GLYATL2: variants seen among roughly 807,000 people sequenced by gnomAD.
GLYATL2 encodes the protein glycine N-acyltransferase-like protein 2.
Under a neutral mutation model 21.4 loss-of-function variants are expected in GLYATL2, and 25 were observed. The observed-to-expected ratio is 1.17, with a 90% CI of 0.85 to 1.63. GLYATL2 has a LOEUF of 1.63. Ranked by LOEUF, GLYATL2 falls within the 40% of genes most tolerant of loss-of-function variation. GLYATL2 has a pLI of 0.00. For synonymous variants in GLYATL2, 114 were observed against 118.2 expected (o/e 0.96, Z 0.23); for missense variants, 361 against 343.3 (o/e 1.05, Z -0.41).
chr11:58,884,019 C>A (rs1039389850), intron 1 of GLYATL2, among the ~76,000 whole-genome samples: 22 of 152,302 alleles, frequency 1.4e-4, no homozygotes, highest in African/African-American at 5.3e-4. Flanking sequence ...ATTCAACAGT[C>A]CTTCACGCTA....
intron 1 of GLYATL2, among the ~76,000 whole-genome samples, chr11:58,898,837 A>C (rs1422074675): frequency 6.6e-6 from 1 of 152,156 alleles, no homozygotes; most frequent in African/African-American, 2.4e-5. Flanking sequence ...CATCTTAAAA[A>C]AAATAAAATA....
rs536298985 is a variant in GLYATL2 at position 58,867,076 on chromosome 11, C to T, written n.61-28708G>A. 2.7e-5 allele frequency among the ~76,000 whole-genome samples: 4 copies of T among 149,102 alleles called. No individual in the cohort carries two copies. The South Asian group carries it at 8.6e-4, about 32-fold the overall frequency. Reference sequence around the variant, plus strand: ...TGGGGCTCCACCAGCCTCCCACAGACACTCAGCCATGCGGTTCCCATTCCC... The same window carrying T: ...TGGGGCTCCACCAGCCTCCCACAGATACTCAGCCATGCGGTTCCCATTCCC... On this transcript the variant is annotated intron_variant and non_coding_transcript_variant, in intron 1 of 4. Transcript: ENST00000533636.
intron 1 of GLYATL2, among the ~76,000 whole-genome samples, chr11:58,855,571 T>C (rs1325924174): frequency 6.6e-6 from 1 of 152,230 alleles, no homozygotes; most frequent in Non-Finnish European, 1.5e-5. Context: ...GAGCATTGGC[T>C]TCAACTTAAA....
intron 1 of GLYATL2, chr11:58,893,175 C>T (rs1317963717): frequency 2.7e-6 from 1 of 365,062 alleles, no homozygotes; most frequent in Non-Finnish European, 5.2e-6. Flanking sequence ...TGCCAGCAGC[C>T]TGTATCCTGG....
At position 58,856,196 on chromosome 11, in the gene GLYATL2, T is replaced by G. The variant is rs1590725986; in HGVS notation, n.61-17828A>C. On this transcript the variant is annotated intron_variant and non_coding_transcript_variant, in intron 1 of 4. Coordinates refer to the GLYATL2 transcript ENST00000533636. ...TTAAACCTCATGAACCAACCTCTGATAGCTTCCAACTTTTTTTCTGCAGCT... is the reference window on the plus strand; with the variant it reads ...TTAAACCTCATGAACCAACCTCTGAGAGCTTCCAACTTTTTTTCTGCAGCT... Among the ~76,000 whole-genome samples, 7 of 152,252 alleles carry G rather than the reference T, an allele frequency of 4.6e-5. 1 individual carries two copies. The highest frequency in any genetic ancestry group is 4.6e-4 in the Admixed American group (7 of 15,280).
chr11:58,901,976 A>C (rs1345071015), intron 1 of GLYATL2, among the ~76,000 whole-genome samples: 1 of 152,012 alleles, frequency 6.6e-6, no homozygotes, highest in Non-Finnish European at 1.5e-5. Flanking sequence ...CTTTACTTGA[A>C]GAGAGAGAGA....
chr11:58,900,724 T>TGTCCCA (rs1854722370), intron 1 of GLYATL2, among the ~76,000 whole-genome samples: 1 of 150,502 alleles, frequency 6.6e-6, no homozygotes, highest in African/African-American at 2.5e-5. Flanking sequence ...AGCCAACACA[T>TGTCCCA]GTCCCAGCAT....
intron 1 of GLYATL2, among the ~76,000 whole-genome samples, chr11:58,841,800 A>G (rs2134576637): frequency 6.6e-6 from 1 of 152,340 alleles, no homozygotes; most frequent in South Asian, 2.1e-4. Flanking sequence ...AAGAGCGACC[A>G]AAGCAGTCAA....
At chr11:58,901,940 C>T (rs1854747225) in intron 1 of GLYATL2, among the ~76,000 whole-genome samples, 1 of 152,112 alleles carries the variant, frequency 6.6e-6, no homozygotes, top group South Asian at 2.1e-4. Flanking sequence ...CCATGTAAAC[C>T]TCTACACACA....
At chr11:58,876,815 C>G (rs1159858422) in intron 1 of GLYATL2, among the ~76,000 whole-genome samples, 1 of 152,252 alleles carries the variant, frequency 6.6e-6, no homozygotes, top group Non-Finnish European at 1.5e-5. Context: ...CTCTTCCAAG[C>G]TGTCAGACAA....
In GLYATL2 at chr11:58,844,613, A is replaced by G. The variant is rs1853610940; in HGVS notation, c.-220T>C. 2 of 152,192 alleles carry G rather than the reference A, an allele frequency of 1.3e-5. No homozygotes were observed. The highest frequency in any genetic ancestry group is 4.8e-5 in the African/African-American group (2 of 41,452). The allele number at this position is 152,192 out of a possible 1,614,324, so 9.4% of individuals were successfully genotyped here. A position where few individuals can be genotyped will look rare whatever the true frequency, so the allele number is the denominator to read the frequency against. On this transcript the variant is annotated 5_prime_UTR_variant, in exon 1 of 6. Transcript: ENST00000287275. ...TATGGGTTCCTGTAGATTAAACCAG[A>G]CGTTCTGTCCATAGACAAGAAATCA...
upstream of GLYATL2, among the ~76,000 whole-genome samples, chr11:58,908,985 G>A (rs181922154): frequency 1.5e-3 from 225 of 152,174 alleles, 1 homozygote; most frequent in Non-Finnish European, 2.7e-3. Flanking sequence ...CAGAAATAAC[G>A]AACTTCAGAG....
intron 1 of GLYATL2, among the ~76,000 whole-genome samples, chr11:58,882,433 A>AT (rs1854356139): frequency 6.6e-6 from 1 of 151,744 alleles, no homozygotes; most frequent in South Asian, 2.1e-4. Context: ...GGGTTGTTTG[A>AT]TTTTTTTCTT....
At position 58,838,368 on chromosome 11, in the gene GLYATL2, C is replaced by G. The variant is rs373873868; in HGVS notation, c.79G>C (p.Val27Leu). The part of the protein sequence containing the change: ...LEKSIPESIK[V>L]YGAIFNIKDK... ...TTTATGTTGAAAATGGCGCCATATA[C>G]CTACGATGCAACAGAACAAAGCAGG... Residue 27 changes from valine to leucine, a missense_variant and splice_region_variant, in exon 3 of 6, where the codon GTA (valine) becomes CTA (leucine). Transcript: ENST00000287275. 6.3e-7 allele frequency: 1 copy of G among 1,593,602 alleles called. No homozygotes were observed. Among genetic ancestry groups the G allele is most frequent in the Non-Finnish European group, 8.6e-7 (1 of 1,161,970 alleles).
At position 58,834,309 on chromosome 11, in the gene GLYATL2, AAGTAAT is replaced by A. The variant is rs1345462858; in HGVS notation, c.*114_*119del. The A allele has an allele frequency of 1.5e-5, 11 of 740,796 alleles. No individual in the cohort carries two copies. Among genetic ancestry groups the A allele is most frequent in the Admixed American group, 3.2e-5 (1 of 31,098 alleles). The allele number at this position is 740,796 out of a possible 1,614,324, so 45.9% of individuals were successfully genotyped here. On this transcript the variant is annotated 3_prime_UTR_variant, in exon 6 of 6. Coordinates refer to ENST00000287275, the MANE Select transcript of GLYATL2 (RefSeq NM_145016.4). ...AGGTAAAACTGTTAAGGGTGAGCTT[AAGTAAT>A]ACACAGATCCTAGATAATCAGTTGC...
At chr11:58,889,747 C>A (rs977014733) in intron 1 of GLYATL2, among the ~76,000 whole-genome samples, 2 of 152,036 alleles carry the variant, frequency 1.3e-5, no homozygotes, top group Admixed American at 1.3e-4. Flanking sequence ...TGATATACTA[C>A]CGAATATTTT....
Position 58,835,045 on chromosome 11 carries a change from T to C in GLYATL2, c.477-208A>G, listed in dbSNP as rs375216857. 5.9e-5 allele frequency among the ~76,000 whole-genome samples: 9 copies of C among 152,178 alleles called. 1 individual carries two copies. The highest frequency in any genetic ancestry group is 4.1e-4 in the South Asian group (2 of 4,824). On this transcript the variant is annotated intron_variant, in intron 5 of 5. Transcript: ENST00000287275. The stretch of plus-strand genomic sequence containing the variant: ...ACTGTGTGTTTTACGGCCCATTTAA[T>C]AGCAGAGAGACAGCATGATATGTTA...
intron 1 of GLYATL2, among the ~76,000 whole-genome samples, chr11:58,890,588 T>C (rs536484629): frequency 3.3e-5 from 5 of 152,306 alleles, no homozygotes; most frequent in African/African-American, 1.2e-4. Flanking sequence ...TTTCATTTAA[T>C]TTCCAATATT....
intron 1 of GLYATL2, among the ~76,000 whole-genome samples, chr11:58,844,052 A>C (rs1853599372): frequency 6.6e-6 from 1 of 152,212 alleles, no homozygotes; most frequent in Non-Finnish European, 1.5e-5. Flanking sequence ...TTTTCTATGC[A>C]AATAAACCAC....
Sources: allele counts gnomAD v4.1 joint callset (sites outside exome capture counted in the v4.1 genomes callset), GRCh38; gene constraint gnomAD v4.1.1; transcripts MANE v1.5; gene names NCBI Gene and HGNC (gene_info 2026-07-23, HGNC 2026-07-21).